The following NAALADL2 variants were observed in gnomAD, a reference collection of about 807,000 sequenced individuals.
NAALADL2 encodes N-acetylated alpha-linked acidic dipeptidase like 2.
In NAALADL2, 76 loss-of-function variants were observed where a neutral mutation model predicts 87.2. The ratio of observed to expected loss-of-function variants is 0.87; its 90% CI spans 0.72 to 1.05. NAALADL2 has a LOEUF of 1.05. NAALADL2 is among the 50% of genes least tolerant of loss of function. NAALADL2 has a pLI of 0.00. For missense variants in NAALADL2, 1,089 were observed against 945.8 expected, an observed-to-expected ratio of 1.15 and a Z score of -1.99; for synonymous variants, 354 against 331.0, an observed-to-expected ratio of 1.07 and a Z score of -0.75.
intron 5 of NAALADL2, among the ~76,000 whole-genome samples, chr3:175,415,030 A>G (rs1714320173): frequency 1.3e-5 from 2 of 152,188 alleles, no homozygotes; most frequent in African/African-American, 4.8e-5. Flanking sequence ...TGTAAAATAA[A>G]CTTTTCTTCT....
At chr3:175,336,034 A>G (rs1761934694) in intron 5 of NAALADL2, among the ~76,000 whole-genome samples, 2 of 152,074 alleles carry the variant, frequency 1.3e-5, no homozygotes, top group Non-Finnish European at 2.9e-5. Context: ...AAAGATTGTG[A>G]CTTATATACG....
intron 4 of NAALADL2, among the ~76,000 whole-genome samples, chr3:175,299,567 G>A (rs887925047): frequency 6.6e-6 from 1 of 152,116 alleles, no homozygotes; most frequent in Non-Finnish European, 1.5e-5. Flanking sequence ...TTGTGAATGG[G>A]AGTTTGCTCA....
At chr3:175,320,863 G>T (rs1331212302) in intron 4 of NAALADL2, among the ~76,000 whole-genome samples, 6 of 149,184 alleles carry the variant, frequency 4.0e-5, no homozygotes, top group Admixed American at 2.7e-4. Context: ...CAACCAAAAA[G>T]AGTCCAGGAC....
At chr3:175,535,846 T>G (rs1388549324) in intron 9 of NAALADL2, among the ~76,000 whole-genome samples, 1 of 152,214 alleles carries the variant, frequency 6.6e-6, no homozygotes, top group Non-Finnish European at 1.5e-5. Context: ...TAACTACCTG[T>G]AAACGGGTGA....
intron 11 of NAALADL2, among the ~76,000 whole-genome samples, chr3:175,639,318 C>CCTTTTTT (rs1728967574): frequency 9.2e-6 from 1 of 108,764 alleles, no homozygotes; most frequent in African/African-American, 4.1e-5. Flanking sequence ...AAGCGTTATT[C>CCTTTTTT]TTTTTTTTTT....
intron 1 of NAALADL2, among the ~76,000 whole-genome samples, chr3:174,479,353 C>T (rs1356019194): frequency 6.6e-6 from 1 of 152,032 alleles, no homozygotes; most frequent in Non-Finnish European, 1.5e-5. Flanking sequence ...CCTATTTATT[C>T]ACTAAAATAG....
chr3:174,664,830 G>A (rs181199803), intron 2 of NAALADL2, among the ~76,000 whole-genome samples: 3 of 152,162 alleles, frequency 2.0e-5, no homozygotes, highest in Non-Finnish European at 4.4e-5. Flanking sequence ...CATTATACAT[G>A]CCAAATGATC....
At chr3:174,721,040 A>C (rs1454269109) in intron 2 of NAALADL2, among the ~76,000 whole-genome samples, 1 of 152,178 alleles carries the variant, frequency 6.6e-6, no homozygotes, top group African/African-American at 2.4e-5. Context: ...ATACTGATAG[A>C]GATAATATAT....
intron 2 of NAALADL2, among the ~76,000 whole-genome samples, chr3:175,226,433 C>T (rs139040250): frequency 8.2e-4 from 125 of 152,184 alleles, no homozygotes; most frequent in African/African-American, 2.8e-3. Context: ...TAACACTCAT[C>T]ATTTTTATTG....
chr3:175,018,089 A>G (rs1203123419), intron 1 of NAALADL2, among the ~76,000 whole-genome samples: 3 of 152,056 alleles, frequency 2.0e-5, no homozygotes, highest in Non-Finnish European at 4.4e-5. Context: ...TTTATATTCA[A>G]AATATCAATC....
At chr3:175,554,795 G>C (rs901716800) in intron 9 of NAALADL2, among the ~76,000 whole-genome samples, 14 of 152,144 alleles carry the variant, frequency 9.2e-5, no homozygotes, top group Admixed American at 6.5e-4. Flanking sequence ...ACTGCTTAAA[G>C]TGAAAAATAA....
intron 1 of NAALADL2, among the ~76,000 whole-genome samples, chr3:174,882,854 T>C (rs1384528406): frequency 2.1e-5 from 3 of 140,916 alleles, no homozygotes; most frequent in African/African-American, 9.0e-5. Flanking sequence ...CATATGTGTA[T>C]ATATACATAT....
chr3:174,518,245 A>G (rs1243900732), intron 1 of NAALADL2, among the ~76,000 whole-genome samples: 2 of 152,184 alleles, frequency 1.3e-5, no homozygotes, highest in Non-Finnish European at 2.9e-5. Flanking sequence ...TTTTTAAAAT[A>G]CTGTCTGGAC....
chr3:175,508,719 CT>C (rs1730701876), intron 9 of NAALADL2, among the ~76,000 whole-genome samples: 1 of 152,132 alleles, frequency 6.6e-6, no homozygotes, highest in African/African-American at 2.4e-5. Flanking sequence ...ATTCAGACCT[CT>C]TAATAGCTTA....
intron 1 of NAALADL2, among the ~76,000 whole-genome samples, chr3:174,468,076 T>C (rs1211981652): frequency 6.6e-6 from 1 of 152,194 alleles, no homozygotes; most frequent in Non-Finnish European, 1.5e-5. Flanking sequence ...TCCCCACAAA[T>C]TGGATATTTC....
At chr3:175,288,931 A>C (rs1755308113) in intron 4 of NAALADL2, among the ~76,000 whole-genome samples, 1 of 152,150 alleles carries the variant, frequency 6.6e-6, no homozygotes, top group African/African-American at 2.4e-5. Context: ...AGGAGGTCAA[A>C]AGAGACAAAA....
intron 10 of NAALADL2, among the ~76,000 whole-genome samples, chr3:175,607,093 G>C (rs1388427416): frequency 6.6e-6 from 1 of 152,146 alleles, no homozygotes; most frequent in Non-Finnish European, 1.5e-5. Context: ...TGTGAAGTTT[G>C]GCTTCTTTTT....
At chr3:175,601,892 T>C (rs1040995686) in intron 10 of NAALADL2, among the ~76,000 whole-genome samples, 1 of 152,220 alleles carries the variant, frequency 6.6e-6, no homozygotes, top group East Asian at 1.9e-4. Flanking sequence ...CCAGAAGTTA[T>C]AAAACTTTTG....
At chr3:175,132,264 T>C (rs1281658294) in intron 2 of NAALADL2, among the ~76,000 whole-genome samples, 6 of 18,026 alleles carry the variant, frequency 3.3e-4, no homozygotes, top group African/African-American at 9.5e-4. Flanking sequence ...GGCGGGGGGC[T>C]GACCCCCCCA....
Sources: allele counts gnomAD v4.1 joint callset (sites outside exome capture counted in the v4.1 genomes callset), GRCh38; gene constraint gnomAD v4.1.1; transcripts MANE v1.5; gene names NCBI Gene and HGNC (gene_info 2026-07-23, HGNC 2026-07-21).